GEMIN4: variants seen among roughly 807,000 people sequenced by gnomAD.
GEMIN4 encodes gem nuclear organelle associated protein 4, also known as gem-associated protein 4.
In GEMIN4, 59 loss-of-function variants were observed where a neutral mutation model predicts 76.8. The ratio of observed to expected loss-of-function variants is 0.77; its 90% CI spans 0.62 to 0.95. The LOEUF (loss-of-function observed/expected upper bound fraction) is 0.95. Among genes scored for constraint, GEMIN4 ranks in the 40% least tolerant of loss-of-function variants. The pLI, the probability that GEMIN4 is intolerant of heterozygous loss-of-function variation, is 0.00. For missense variants in GEMIN4, 1,311 were observed against 1,318.9 expected (o/e 0.99, Z 0.09); for synonymous variants, 562 against 559.7 (o/e 1.00, Z -0.06).
rs114237735 is a variant in GEMIN4, at chr17:745,069, T to C, written c.2974A>G (p.Met992Val). 5.6e-4 allele frequency: 902 copies of C among 1,613,690 alleles called. 4 individuals are homozygous for C. In the African/African-American group the frequency reaches 0.011, roughly 19 times the overall value. The change falls in exon 2 of 2, where the codon ATG becomes GTG. Residue 992 changes from methionine (M) to valine (V), a missense_variant. Met to Val is a conservative substitution (Grantham distance 21, BLOSUM62 1). Transcript: ENST00000319004. The surrounding 1 kb of genome is among the most constrained non-coding windows in gnomAD (Gnocchi z 4.6). ...VFCHALHIMA[M>V]LHPEVCEPLY... is the part of the protein sequence containing the mutation. ...GGCTCACAGACCTCCGGGTGGAGCA[T>C]GGCCATGATGTGCAGAGCATGGCAG... is the stretch of plus-strand genomic sequence containing the variant.
chr17:754,226 A>G (rs1904890318), upstream of GEMIN4: 1 of 152,236 alleles, frequency 6.6e-6, no homozygotes, highest in South Asian at 2.1e-4. Context: ...CCCTTGACCT[A>G]TGCAAGTGCC....
intron 1 of GEMIN4, chr17:751,785 G>C (rs1389433269): frequency 3.2e-6 from 1 of 316,022 alleles, no homozygotes; most frequent in Non-Finnish European, 5.8e-6. Flanking sequence ...GAACGCAGCT[G>C]CCGTTCAGGA....
At position 746,999 on chromosome 17, in the gene GEMIN4, C is replaced by G. The variant is rs1272275775; in HGVS notation, c.1044G>C (p.Leu348=). The change falls in exon 2 of 2, where the codon CTG becomes CTC. Residue 348 remains leucine (L), a synonymous_variant. Coordinates refer to ENST00000319004, the MANE Select transcript of GEMIN4 (RefSeq NM_015721.3). This position sits in a 1 kb window ranked among gnomAD's most constrained non-coding sequence, Gnocchi z 4.3. ...GGCTGAAGGAAGTCAGACTGTCGCA[C>G]AGCCGGTAGCTGTCGTAACTTGTCC... The part of the protein sequence containing the change: ...SQGTSYDSYR[L]CDSLTSFSQN... 6.2e-7 allele frequency: 1 copy of G among 1,613,078 alleles called. No individual in the cohort carries two copies. Among genetic ancestry groups the G allele is most frequent in the East Asian group, 2.2e-5 (1 of 44,878 alleles).
intron 1 of GEMIN4, chr17:748,303 G>T (rs1203986140): frequency 6.8e-6 from 3 of 439,194 alleles, no homozygotes; most frequent in Non-Finnish European, 8.1e-6. Flanking sequence ...GAGCAGGTGT[G>T]AGGAAAGATG....
rs754509330 is a variant in GEMIN4 at position 744,869 on chromosome 17, G to C, written c.3174C>G (p.Phe1058Leu). The C allele has an allele frequency of 6.2e-7, 1 of 1,607,978 alleles. No individual in the cohort carries two copies. The highest frequency in any genetic ancestry group is 1.1e-5 in the South Asian group (1 of 90,702). Residue 1058 changes from phenylalanine (F) to leucine (L), a missense_variant, in exon 2 of 2, where the codon TTC becomes TTG. Phe to Leu is a conservative substitution (Grantham distance 22, BLOSUM62 0). Transcript: ENST00000319004. Reference sequence around the variant, plus strand: ...GGGCCCAGCTCCCCACGCCAAGTCAGAAGCTGCTCATCTTCTGCAACAGGG... The same window carrying C: ...GGGCCCAGCTCCCCACGCCAAGTCACAAGCTGCTCATCTTCTGCAACAGGG... ...RQTLLQKMSSF is the reference protein window; with the variant it reads ...RQTLLQKMSSL
rs1485336125 is a variant in GEMIN4 at position 746,821 on chromosome 17, T to C, written c.1222A>G (p.Met408Val). 1 of 1,613,826 alleles carries C rather than the reference T, an allele frequency of 6.2e-7. No homozygotes were observed. Among genetic ancestry groups the C allele is most frequent in the Non-Finnish European group, 8.5e-7 (1 of 1,179,828 alleles). Residue 408 changes from methionine (M) to valine (V), a missense_variant, in exon 2 of 2, where the codon ATG (methionine) becomes GTG (valine). Met to Val is a conservative substitution (Grantham distance 21, BLOSUM62 1). Around this residue, in one of 2 missense-constraint regions of GEMIN4, gnomAD observed 1,208 missense variants for 1,166.9 expected, o/e 1.04. Transcript: ENST00000319004. The surrounding 1 kb of genome is among the most constrained non-coding windows in gnomAD (Gnocchi z 4.3). ...ALEDITASIA[M>V]AVIQQKMDRH... ...TCCATCTTCTGCTGGATGACGGCCA[T>C]GGCAATGGAAGCTGTGATATCCTCC...
rs1261280205 is a variant in GEMIN4, at chr17:752,211, A to G, written c.-69T>C. 2.4e-6 allele frequency: 3 copies of G among 1,229,832 alleles called. No individual in the cohort carries two copies. The highest frequency in any genetic ancestry group is 3.0e-6 in the Non-Finnish European group (3 of 986,226). 76.2% of individuals were successfully genotyped at this position (1,229,832 alleles called of 1,614,324 possible). A position where few individuals can be genotyped will look rare whatever the true frequency, so the allele number is the denominator to read the frequency against. On this transcript the variant is annotated 5_prime_UTR_variant, in exon 1 of 2. Coordinates refer to ENST00000319004, the MANE Select transcript of GEMIN4 (RefSeq NM_015721.3). ...TCCGAGAACTCGAACGCGGCGCGGG[A>G]CGCACGGCACGATGGGAGACGCAGG...
chr17:746,534 C>T lies in GEMIN4; in HGVS notation c.1509G>A (p.Leu503=). 6.2e-7 allele frequency: 1 copy of T among 1,613,934 alleles called. No individual in the cohort carries two copies. Among genetic ancestry groups the T allele is most frequent in the Non-Finnish European group, 8.5e-7 (1 of 1,179,900 alleles). The change falls in exon 2 of 2, where the codon CTG becomes CTA. Residue 503 remains leucine, a synonymous_variant. Transcript: ENST00000319004. This position sits in a 1 kb window ranked among gnomAD's most constrained non-coding sequence, Gnocchi z 4.3. ...PGKNKVLAGI[L]RSWGRKGLSE... ...AGAGGCCCTTTCGCCCCCAGGAACG[C>T]AGGATACCTGCAAGGACTTTATTTT...
Position 744,890 on chromosome 17 carries a change from C to A in GEMIN4, c.3153G>T (p.Leu1051=). 1 of 1,611,744 alleles carries A rather than the reference C, an allele frequency of 6.2e-7. No individual in the cohort carries two copies. The highest frequency in any genetic ancestry group is 8.5e-7 in the Non-Finnish European group (1 of 1,178,916). The change falls in exon 2 of 2, where the codon CTG becomes CTT. Residue 1051 remains leucine (L), a synonymous_variant. Coordinates refer to ENST00000319004, the MANE Select transcript of GEMIN4 (RefSeq NM_015721.3). ...GIGPEERRQT[L]LQKMSSF is the part of the protein sequence containing the mutation. ...GTCAGAAGCTGCTCATCTTCTGCAA[C>A]AGGGTTTGGCGCCGTTCTTCAGGGC...
chr17:747,357 C>T lies in GEMIN4; in HGVS notation c.686G>A (p.Arg229Gln), dbSNP rs776409306. 1.7e-5 allele frequency: 28 copies of T among 1,613,636 alleles called. No homozygotes were observed. Among genetic ancestry groups the T allele is most frequent in the Middle Eastern group, 1.6e-4 (1 of 6,084 alleles). ...LLRGLTQIQS[R>Q]ILGPGRKCCA... The stretch of plus-strand genomic sequence containing the variant: ...GCACTTCCTCCCCGGGCCCAGGATC[C>T]GACTCTGGATCTGTGTCAGCCCGCG... Residue 229 changes from arginine to glutamine, a missense_variant, in exon 2 of 2, where the codon CGG (arginine) becomes CAG (glutamine). By Grantham distance (43) the Arg-to-Gln change is conservative (BLOSUM62 1). Transcript: ENST00000319004.
In GEMIN4 at chr17:746,233, C is replaced by T. The variant is rs762712933; in HGVS notation, c.1810G>A (p.Val604Met). 149 of 1,613,626 alleles carry T rather than the reference C, an allele frequency of 9.2e-5. No individual in the cohort carries two copies. The highest frequency in any genetic ancestry group is 1.3e-4 in the Non-Finnish European group (149 of 1,179,908). ...CAGACGGTTTCTTTGAGGCATGACACCATGAAAGTGGCAGATGAATTGGGA... is the reference window on the plus strand; with the variant it reads ...CAGACGGTTTCTTTGAGGCATGACATCATGAAAGTGGCAGATGAATTGGGA... ...QGPNSSATFM[V>M]SCLKETVWMK... The change falls in exon 2 of 2, where the codon GTG becomes ATG. Residue 604 changes from valine (V) to methionine (M), a missense_variant. Around this residue, in one of 2 missense-constraint regions of GEMIN4, gnomAD observed 1,208 missense variants for 1,166.9 expected, o/e 1.04. Transcript: ENST00000319004. This position sits in a 1 kb window ranked among gnomAD's most constrained non-coding sequence, Gnocchi z 4.3.
At chr17:752,367 C>A, upstream of GEMIN4, 1 of 1,043,324 alleles carries the variant, frequency 9.6e-7, no homozygotes, top group Non-Finnish European at 1.2e-6. Context: ...AGAGCCCTCC[C>A]ACCAGCCCTC....
At position 746,313 on chromosome 17, in the gene GEMIN4, A is replaced by G; in HGVS notation, c.1730T>C (p.Phe577Ser). The change falls in exon 2 of 2, where the codon TTC (phenylalanine) becomes TCC (serine). Residue 577 changes from phenylalanine (F) to serine (S), a missense_variant. Phe to Ser is a radical substitution (Grantham distance 155, BLOSUM62 -2). Around this residue, in one of 2 missense-constraint regions of GEMIN4, gnomAD observed 1,208 missense variants for 1,166.9 expected, o/e 1.04. Coordinates refer to ENST00000319004, the MANE Select transcript of GEMIN4 (RefSeq NM_015721.3). This position sits in a 1 kb window ranked among gnomAD's most constrained non-coding sequence, Gnocchi z 4.3. ...LAVVNLGTHK[F>S]LAQILTAFPA... is the part of the protein sequence containing the mutation. ...GAAGGCAGTGAGAATCTGGGCCAGGAACTTGTGGGTGCCGAGATTGACCAC... is the reference window on the plus strand; with the variant it reads ...GAAGGCAGTGAGAATCTGGGCCAGGGACTTGTGGGTGCCGAGATTGACCAC... 1.2e-6 allele frequency: 2 copies of G among 1,613,742 alleles called. No individual in the cohort carries two copies. Among genetic ancestry groups the G allele is most frequent in the Non-Finnish European group, 1.7e-6 (2 of 1,179,880 alleles).
rs757008453 is a variant in GEMIN4 at position 745,424 on chromosome 17, G to GT, written c.2618dup (p.His873GlnfsTer18). On this transcript the variant is annotated frameshift_variant, in exon 2 of 2. Coordinates refer to ENST00000319004, the MANE Select transcript of GEMIN4 (RefSeq NM_015721.3). LOFTEE classifies it high-confidence loss of function. This position sits in a 1 kb window ranked among gnomAD's most constrained non-coding sequence, Gnocchi z 4.6. ...TCTCCAGCAGTCTCCTGGTCAGCTG[G>GT]TGAAGGCGCTGCCACTCCTGAGGGC... is the stretch of plus-strand genomic sequence containing the variant. 2 of 1,612,836 alleles carry GT rather than the reference G, an allele frequency of 1.2e-6. No individual in the cohort carries two copies. The highest frequency in any genetic ancestry group is 2.2e-5 in the South Asian group (2 of 91,080).
At chr17:751,128 A>T (rs1242032902) in intron 1 of GEMIN4, among the ~76,000 whole-genome samples, 1 of 152,176 alleles carries the variant, frequency 6.6e-6, no homozygotes, top group African/African-American at 2.4e-5. Flanking sequence ...AGTGCTTGCC[A>T]CAGCCCGCTT....
upstream of GEMIN4, among the ~76,000 whole-genome samples, chr17:752,430 C>T (rs1179191499): frequency 6.6e-6 from 1 of 152,232 alleles, no homozygotes; most frequent in African/African-American, 2.4e-5. Context: ...CTGCCCGGCC[C>T]CTCTTCCGGG....
At position 752,210 on chromosome 17, in the gene GEMIN4, G is replaced by A. The variant is rs1904763704; in HGVS notation, c.-68C>T. On this transcript the variant is annotated 5_prime_UTR_variant, in exon 1 of 2. Transcript: ENST00000319004. ...CTCCGAGAACTCGAACGCGGCGCGG[G>A]ACGCACGGCACGATGGGAGACGCAG... 7 of 1,230,832 alleles carry A rather than the reference G, an allele frequency of 5.7e-6. No individual in the cohort carries two copies. Among genetic ancestry groups the A allele is most frequent in the Non-Finnish European group, 7.1e-6 (7 of 986,584 alleles). The allele number at this position is 1,230,832 out of a possible 1,614,324, so 76.2% of individuals were successfully genotyped here.
rs1974409475 is a variant in GEMIN4 at position 746,356 on chromosome 17, T to A, written c.1687A>T (p.Lys563Ter). Residue 563 changes from lysine to a stop codon, truncating the protein, a stop_gained, in exon 2 of 2, where the codon AAA becomes TAA. Coordinates refer to ENST00000319004, the MANE Select transcript of GEMIN4 (RefSeq NM_015721.3). LOFTEE classifies it high-confidence loss of function. The surrounding 1 kb of genome is among the most constrained non-coding windows in gnomAD (Gnocchi z 4.3). The stretch of plus-strand genomic sequence containing the variant: ...TTGACCACAGCCAGGCTGCACATTT[T>A]CTTCACCGTGACTTCCGGGTGCACT... ...VIVHPEVTVK[K>*]MCSLAVVNLG... 2 of 1,613,798 alleles carry A rather than the reference T, an allele frequency of 1.2e-6. No individual in the cohort carries two copies. Among genetic ancestry groups the A allele is most frequent in the Non-Finnish European group, 1.7e-6 (2 of 1,179,878 alleles).
rs1400476197 is a variant in GEMIN4, at chr17:752,249, C to T, written c.-107G>A. 4 of 1,227,854 alleles carry T rather than the reference C, an allele frequency of 3.3e-6. No individual in the cohort carries two copies. In the African/African-American group the frequency reaches 6.2e-5, roughly 19 times the overall value. The allele number at this position is 1,227,854 out of a possible 1,614,324, so 76.1% of individuals were successfully genotyped here. A position where few individuals can be genotyped will look rare whatever the true frequency, so the allele number is the denominator to read the frequency against. On this transcript the variant is annotated 5_prime_UTR_variant, in exon 1 of 2. Coordinates refer to ENST00000319004, the MANE Select transcript of GEMIN4 (RefSeq NM_015721.3). ...TGGGAGACGCAGGAGCCACGGCGGCCGCGCTTAGGCCTGCTCACAACCTCC... is the reference window on the plus strand; with the variant it reads ...TGGGAGACGCAGGAGCCACGGCGGCTGCGCTTAGGCCTGCTCACAACCTCC...
Sources: gnomAD v4.1 joint callset for allele counts (sites outside exome capture counted in the v4.1 genomes callset) on GRCh38, gnomAD v4.1.1 for gene constraint, gnomAD v4.1.1 regional missense constraint, Gnocchi (gnomAD v3.1) non-coding constraint, MANE v1.5 for transcripts, NCBI Gene and HGNC (gene_info 2026-07-23, HGNC 2026-07-21) for gene names.